Variants in EHMT1 observed in about 807,000 individuals in gnomAD.
EHMT1 encodes the protein euchromatic histone lysine methyltransferase 1.
Under a neutral mutation model 147.2 loss-of-function variants are expected in EHMT1, and 15 were observed. The ratio of observed to expected loss-of-function variants is 0.10; its 90% CI spans 0.07 to 0.16. EHMT1 has a LOEUF of 0.16. Ranked by LOEUF, EHMT1 falls within the 10% of genes least tolerant of loss-of-function variation. The pLI, the probability that EHMT1 is intolerant of heterozygous loss-of-function variation, is 1.00. For synonymous variants in EHMT1, 795 were observed against 709.6 expected, an observed-to-expected ratio of 1.12 and a Z score of -1.91; for missense variants, 1,587 against 1,772.4, an observed-to-expected ratio of 0.90 and a Z score of 1.88.
rs1302998173 is a variant in EHMT1 at position 137,835,784 on chromosome 9, A to C, written c.*831A>C. ...TGGTTTCTACTCACCACGTGAAATA[A>C]ACTATCAACTGTATAAAGAGAACAA... is the stretch of plus-strand genomic sequence containing the variant. On this transcript the variant is annotated 3_prime_UTR_variant, in exon 27 of 27. Transcript: ENST00000460843. The C allele has an allele frequency of 6.6e-6, 1 of 152,624 alleles. No individual in the cohort carries two copies. The highest frequency in any genetic ancestry group is 1.5e-5 in the Non-Finnish European group (1 of 68,050). 9.5% of individuals were successfully genotyped at this position (152,624 alleles called of 1,614,324 possible).
At chr9:137,645,328 AT>A (rs1844808844) in intron 1 of EHMT1, among the ~76,000 whole-genome samples, 1 of 152,158 alleles carries the variant, frequency 6.6e-6, no homozygotes, top group African/African-American at 2.4e-5. Context: ...CAGGGTGAAT[AT>A]TTTTGGAATT....
rs1951681767 is a variant in EHMT1, at chr9:137,782,942, CCT to C, written c.2382+546_2382+547del. The stretch of plus-strand genomic sequence containing the variant: ...TCAGACACACGACGCTGTTTGTCCC[CCT>C]GTGACGCCCCTTCCCTGATCCCGGT... On this transcript the variant is annotated intron_variant, in intron 15 of 26. Transcript: ENST00000460843. The surrounding 1 kb of genome is among the most constrained non-coding windows in gnomAD (Gnocchi z 5.7). 6.6e-6 allele frequency among the ~76,000 whole-genome samples: 1 copy of C among 152,204 alleles called. No homozygotes were observed. The highest frequency in any genetic ancestry group is 6.5e-5 in the Admixed American group (1 of 15,284).
intron 4 of EHMT1, among the ~76,000 whole-genome samples, chr9:137,730,461 T>TA (rs966096014): frequency 3.5e-4 from 53 of 150,320 alleles, no homozygotes; most frequent in Admixed American, 1.3e-3. Context: ...AAAAAAAACT[T>TA]AAAAAAAAAA....
chr9:137,741,782 C>T (rs1185944545), intron 4 of EHMT1, among the ~76,000 whole-genome samples: 2 of 152,098 alleles, frequency 1.3e-5, no homozygotes, highest in African/African-American at 2.4e-5. Flanking sequence ...TATTTTCAAC[C>T]TGTTTGGTTG....
chr9:137,834,795 T>A lies in EHMT1; in HGVS notation c.3739T>A (p.Trp1247Arg). The stretch of plus-strand genomic sequence containing the variant: ...CAGGTTTGACTATGGAGAGCGCTTC[T>A]GGGACATCAAAGGCAAGCTCTTCAG... ...QLGFDYGERF[W>R]DIKGKLFSCR... The change falls in exon 27 of 27, where the codon TGG becomes AGG. Residue 1247 changes from tryptophan (W) to arginine (R), a missense_variant. Coordinates refer to ENST00000460843, the MANE Select transcript of EHMT1 (RefSeq NM_024757.5). 1 of 1,613,130 alleles carries A rather than the reference T, an allele frequency of 6.2e-7. No homozygotes were observed. The highest frequency in any genetic ancestry group is 8.5e-7 in the Non-Finnish European group (1 of 1,179,712).
chr9:137,727,698 G>A (rs1397354313), intron 3 of EHMT1, among the ~76,000 whole-genome samples: 1 of 152,258 alleles, frequency 6.6e-6, no homozygotes, highest in African/African-American at 2.4e-5. Flanking sequence ...CAGACAGAGA[G>A]TGGAGGTTCA....
At chr9:137,773,814 G>A (rs1393798948) in intron 10 of EHMT1, among the ~76,000 whole-genome samples, 3 of 152,112 alleles carry the variant, frequency 2.0e-5, no homozygotes, top group Non-Finnish European at 4.4e-5. Flanking sequence ...TTCCTTTGGG[G>A]GGCATTTGTA....
intron 1 of EHMT1, among the ~76,000 whole-genome samples, chr9:137,635,364 GC>G (rs765750487): frequency 1.7e-4 from 25 of 150,988 alleles, no homozygotes; most frequent in Non-Finnish European, 2.7e-4. Context: ...CCATCGCCAC[GC>G]CCAGCTAATT....
rs62590244 is a variant in EHMT1 at position 137,635,549 on chromosome 9, G to A, written c.21+16500G>A. On this transcript the variant is annotated intron_variant, in intron 1 of 26. Transcript: ENST00000460843. Reference sequence around the variant, plus strand: ...CTTTAACATTTTCAGAGCTGGGCGCGGTGGCTCACGCCTGTAATCCCAGCA... The same window carrying A: ...CTTTAACATTTTCAGAGCTGGGCGCAGTGGCTCACGCCTGTAATCCCAGCA... Among the ~76,000 whole-genome samples, 21 of 150,926 alleles carry A rather than the reference G, an allele frequency of 1.4e-4. No homozygotes were observed. The East Asian group carries it at 1.9e-3, about 13-fold the overall frequency.
chr9:137,798,643 G>C (rs936901658), intron 16 of EHMT1, among the ~76,000 whole-genome samples, 170 bp from the exon 17 acceptor site: 9 of 152,182 alleles, frequency 5.9e-5, no homozygotes, highest in Non-Finnish European at 1.3e-4. Flanking sequence ...TGCACACAGC[G>C]CTTGGACCTC....
chr9:137,687,993 T>C (rs1204674545), intron 1 of EHMT1, among the ~76,000 whole-genome samples: 1 of 152,214 alleles, frequency 6.6e-6, no homozygotes, highest in East Asian at 1.9e-4. Context: ...CTTGAACTTG[T>C]TTTGATAAAT....
chr9:137,775,216 C>G lies in EHMT1; in HGVS notation c.1755C>G (p.His585Gln). 6.2e-7 allele frequency: 1 copy of G among 1,613,244 alleles called. No homozygotes were observed. Among genetic ancestry groups the G allele is most frequent in the Non-Finnish European group, 8.5e-7 (1 of 1,180,012 alleles). Residue 585 changes from histidine to glutamine, a missense_variant, in exon 11 of 27, where the codon CAC becomes CAG. This residue lies in a region of EHMT1 where 124 missense variants were observed against 197.8 expected (regional missense o/e 0.63). Transcript: ENST00000460843. The surrounding 1 kb of genome is among the most constrained non-coding windows in gnomAD (Gnocchi z 6.1). Reference sequence around the variant, plus strand: ...ACCACCGGGGCCGCATGGTGAAGCACCAGTGCTGTCCTGGCTGTGGCTACT... The same window carrying G: ...ACCACCGGGGCCGCATGGTGAAGCAGCAGTGCTGTCCTGGCTGTGGCTACT... ...CEDHRGRMVK[H>Q]QCCPGCGYFC...
chr9:137,678,782 G>C (rs1941651176), intron 1 of EHMT1, among the ~76,000 whole-genome samples: 1 of 143,316 alleles, frequency 7.0e-6, no homozygotes, highest in Non-Finnish European at 1.5e-5. Context: ...TCTATCTGAC[G>C]AGGGAGACGG....
rs955746066 is a variant in EHMT1, at chr9:137,631,699, G to A, written c.21+12650G>A. Among the ~76,000 whole-genome samples the A allele has an allele frequency of 2.0e-5, 3 of 152,074 alleles. No homozygotes were observed. The South Asian group carries it at 6.2e-4, about 32-fold the overall frequency. ...AAGATCAGCCTGGACAACATAATGA[G>A]ACCCTGTCTCTACAAAAAATAATGA... On this transcript the variant is annotated intron_variant, in intron 1 of 26. Transcript: ENST00000460843.
chr9:137,743,662 G>A, intron 5 of EHMT1, 134 bp downstream of exon 5: 1 of 1,358,564 alleles, frequency 7.4e-7, no homozygotes, highest in Non-Finnish European at 1.0e-6. Flanking sequence ...TCTGCCATAG[G>A]GGCAGAGTGT....
At chr9:137,704,512 T>C (rs1944090546) in intron 1 of EHMT1, among the ~76,000 whole-genome samples, 1 of 152,202 alleles carries the variant, frequency 6.6e-6, no homozygotes, top group South Asian at 2.1e-4. Flanking sequence ...GTTTTAGGAC[T>C]AAAATGAGTT....
At chr9:137,811,428 G>A (rs1357664784) in intron 18 of EHMT1, 33 bp from the exon 19 acceptor site, 46 of 1,610,724 alleles carry the variant, frequency 2.9e-5, no homozygotes, top group Non-Finnish European at 3.9e-5. Flanking sequence ...CCAGCAGGAA[G>A]CCTGCACTGA....
chr9:137,665,755 G>A (rs773166388), intron 1 of EHMT1, among the ~76,000 whole-genome samples: 1 of 152,222 alleles, frequency 6.6e-6, no homozygotes, highest in Non-Finnish European at 1.5e-5. Context: ...TAAATGTCTC[G>A]TTAAATGGTT....
At chr9:137,771,132 T>G (rs368088332) in intron 10 of EHMT1, among the ~76,000 whole-genome samples, 1 of 151,838 alleles carries the variant, frequency 6.6e-6, no homozygotes, top group Non-Finnish European at 1.5e-5. Context: ...TGAAGTGTTC[T>G]CTCTCATGTC....
Sources: gnomAD v4.1 joint callset for allele counts (sites outside exome capture counted in the v4.1 genomes callset) on GRCh38, gnomAD v4.1.1 for gene constraint, gnomAD v4.1.1 regional missense constraint, Gnocchi (gnomAD v3.1) non-coding constraint, MANE v1.5 for transcripts, NCBI Gene and HGNC (gene_info 2026-07-23, HGNC 2026-07-21) for gene names.